The following RALGAPA2 variants were observed in gnomAD, a reference collection of about 807,000 sequenced individuals.
RALGAPA2 encodes the protein ral GTPase-activating protein subunit alpha-2.
RALGAPA2 carries 139 observed loss-of-function variants against 230.4 expected under a neutral mutation model. The observed-to-expected ratio is 0.60, with a 90% CI of 0.53 to 0.69. RALGAPA2 has a LOEUF of 0.69. Among genes scored for constraint, RALGAPA2 ranks in the 30% least tolerant of loss-of-function variants. The probability of loss-of-function intolerance (pLI) is 0.00; values close to 1 mark genes in which losing one functional copy is unlikely to be tolerated. For synonymous variants in RALGAPA2, 847 were observed against 837.8 expected, an observed-to-expected ratio of 1.01 and a Z score of -0.19; for missense variants, 2,163 against 2,276.0, an observed-to-expected ratio of 0.95 and a Z score of 1.01.
chr20:20,546,862 C>A, intron 23 of RALGAPA2, 30 bp from the exon 24 acceptor site: 5 of 1,547,824 alleles, frequency 3.2e-6, no homozygotes, highest in Non-Finnish European at 3.5e-6. Context: ...AAAACACAAT[C>A]GTAATGTTCA....
chr20:20,403,070 C>G (rs1360891831), intron 38 of RALGAPA2, among the ~76,000 whole-genome samples: 1 of 152,122 alleles, frequency 6.6e-6, no homozygotes, highest in African/African-American at 2.4e-5. Flanking sequence ...TCTCTGACCC[C>G]CTATTTTAAA....
At chr20:20,504,550 C>T (rs1039672050) in intron 34 of RALGAPA2, among the ~76,000 whole-genome samples, 5 of 151,978 alleles carry the variant, frequency 3.3e-5, no homozygotes, top group African/African-American at 1.2e-4. Flanking sequence ...GGTGAAACAC[C>T]ATCTCTACTA....
chr20:20,456,054 A>G (rs1476116062), intron 37 of RALGAPA2, among the ~76,000 whole-genome samples: 1 of 152,180 alleles, frequency 6.6e-6, no homozygotes, highest in African/African-American at 2.4e-5. Flanking sequence ...AGTGAACTCT[A>G]TTGCTTTCAT....
chr20:20,420,688 C>T lies in RALGAPA2; in HGVS notation c.5496-8540G>A, dbSNP rs2060257917. On this transcript the variant is annotated intron_variant, in intron 37 of 39. Coordinates refer to ENST00000202677, the MANE Select transcript of RALGAPA2 (RefSeq NM_020343.4). ...CACACAAGGAGGCAGGCACGACCCT[C>T]CCACAGGACAGATACTGGGCTCACA... Among the ~76,000 whole-genome samples, 3 of 152,112 alleles carry T rather than the reference C, an allele frequency of 2.0e-5. No individual in the cohort carries two copies. In the South Asian group the frequency reaches 6.2e-4, roughly 32 times the overall value.
At chr20:20,491,234 C>G (rs1490462094) in intron 36 of RALGAPA2, among the ~76,000 whole-genome samples, 1 of 152,156 alleles carries the variant, frequency 6.6e-6, no homozygotes, top group Non-Finnish European at 1.5e-5. Context: ...CACTGAATCA[C>G]TATCATTTTT....
At position 20,393,228 on chromosome 20, in the gene RALGAPA2, A is replaced by G; in HGVS notation, c.*61T>C. On this transcript the variant is annotated 3_prime_UTR_variant, in exon 40 of 40. Coordinates refer to ENST00000202677, the MANE Select transcript of RALGAPA2 (RefSeq NM_020343.4). ...CCTCACTCAGGGGCTCTTCGAGGTC[A>G]GCACTCAGACTGGAGGCCAGGGCCC... 6 of 1,355,788 alleles carry G rather than the reference A, an allele frequency of 4.4e-6. No individual in the cohort carries two copies. The highest frequency in any genetic ancestry group is 5.9e-6 in the Non-Finnish European group (6 of 1,016,914). 84.0% of individuals were successfully genotyped at this position (1,355,788 alleles called of 1,614,324 possible).
At chr20:20,425,091 G>A (rs2060354472) in intron 37 of RALGAPA2, among the ~76,000 whole-genome samples, 1 of 152,330 alleles carries the variant, frequency 6.6e-6, no homozygotes, top group South Asian at 2.1e-4. Context: ...TATCTAGGTT[G>A]ATTCTAGAAA....
intron 16 of RALGAPA2, among the ~76,000 whole-genome samples, chr20:20,599,588 A>G (rs2065569945): frequency 6.6e-6 from 1 of 152,264 alleles, no homozygotes; most frequent in African/African-American, 2.4e-5. Context: ...ATATGACATC[A>G]GTTAACATTA....
At chr20:20,480,008 C>A (rs2061736113) in intron 36 of RALGAPA2, among the ~76,000 whole-genome samples, 1 of 152,114 alleles carries the variant, frequency 6.6e-6, no homozygotes, top group South Asian at 2.1e-4. Context: ...TTATTTACAA[C>A]AGCATAAAAA....
chr20:20,706,057 G>A (rs1408353069), intron 1 of RALGAPA2, among the ~76,000 whole-genome samples: 1 of 152,192 alleles, frequency 6.6e-6, no homozygotes, highest in Non-Finnish European at 1.5e-5. Context: ...CCTAGTAAAA[G>A]TATTATGCCT....
chr20:20,640,029 C>T (rs1009031584), intron 6 of RALGAPA2, 129 bp from the exon 7 acceptor site: 32 of 662,962 alleles, frequency 4.8e-5, no homozygotes, highest in African/African-American at 4.7e-4. Flanking sequence ...CTGAGGAGCA[C>T]ACTCCAAGGC....
chr20:20,632,276 C>T (rs933511604), intron 9 of RALGAPA2, among the ~76,000 whole-genome samples: 2 of 151,996 alleles, frequency 1.3e-5, no homozygotes, highest in African/African-American at 4.8e-5. Context: ...GTGATCCGCC[C>T]GCCTCGGCCT....
At chr20:20,605,813 G>A (rs549067130) in intron 14 of RALGAPA2, among the ~76,000 whole-genome samples, 37 of 152,210 alleles carry the variant, frequency 2.4e-4, no homozygotes, top group African/African-American at 8.7e-4. Flanking sequence ...TGAGCAGATG[G>A]ATTCACTGCA....
chr20:20,446,743 C>T (rs2060873764), intron 37 of RALGAPA2, among the ~76,000 whole-genome samples: 2 of 152,180 alleles, frequency 1.3e-5, no homozygotes, highest in African/African-American at 4.8e-5. Flanking sequence ...TGAGTGACTT[C>T]CTGGGTTGAA....
intron 37 of RALGAPA2, among the ~76,000 whole-genome samples, chr20:20,458,747 TACATAC>T (rs1487796347): frequency 2.5e-5 from 3 of 118,592 alleles, no homozygotes; most frequent in Admixed American, 1.8e-4. Flanking sequence ...TATATATATA[TACATAC>T]ACACCTATAT....
At chr20:20,556,662 C>G (rs551370723) in intron 23 of RALGAPA2, among the ~76,000 whole-genome samples, 1 of 152,146 alleles carries the variant, frequency 6.6e-6, no homozygotes. Flanking sequence ...CAAGTTGTTG[C>G]CAGTAAGTGA....
At chr20:20,526,034 C>T (rs1210633242) in intron 28 of RALGAPA2, among the ~76,000 whole-genome samples, 1 of 152,146 alleles carries the variant, frequency 6.6e-6, no homozygotes, top group African/African-American at 2.4e-5. Context: ...TCAAACTCCC[C>T]AAGTATAAGC....
chr20:20,653,863 TAATTA>T (rs770442216), intron 3 of RALGAPA2, among the ~76,000 whole-genome samples: 51 of 152,162 alleles, frequency 3.4e-4, no homozygotes, highest in Non-Finnish European at 5.7e-4. Flanking sequence ...ATTTTTATCT[TAATTA>T]AATAATAGCC....
intron 38 of RALGAPA2, among the ~76,000 whole-genome samples, chr20:20,403,836 T>C (rs1463373109): frequency 6.6e-6 from 1 of 152,230 alleles, no homozygotes; most frequent in Non-Finnish European, 1.5e-5. Context: ...CTTCCTGTTT[T>C]GCCTGAGATT....
Sources: gnomAD v4.1 joint callset for allele counts (sites outside exome capture counted in the v4.1 genomes callset) on GRCh38, gnomAD v4.1.1 for gene constraint, MANE v1.5 for transcripts, NCBI Gene and HGNC (gene_info 2026-07-23, HGNC 2026-07-21) for gene names.